ASTN2: variants seen among roughly 807,000 people sequenced by gnomAD.
ASTN2 encodes the protein astrotactin 2, also known as astrotactin-2.
In ASTN2, 54 loss-of-function variants were observed where a neutral mutation model predicts 139.8. That is an observed-to-expected ratio of 0.39 (90% confidence interval 0.31 to 0.48). The LOEUF (loss-of-function observed/expected upper bound fraction) is 0.48. Among genes scored for constraint, ASTN2 ranks in the 20% least tolerant of loss-of-function variants. The pLI, the probability that ASTN2 is intolerant of heterozygous loss-of-function variation, is 0.95. For missense variants in ASTN2, 1,565 were observed against 1,725.1 expected (o/e 0.91, Z 1.64); for synonymous variants, 756 against 719.5 (o/e 1.05, Z -0.81).
At position 117,039,632 on chromosome 9, in the gene ASTN2, A is replaced by G. The variant is rs117016315; in HGVS notation, c.1423+187T>C. ...TTAAAAAAAATAAAAGCAGTCTTTA[A>G]TTTAATTCAAATAATCCAGATTACA... On this transcript the variant is annotated intron_variant, in intron 6 of 22. Coordinates refer to ENST00000313400, the MANE Select transcript of ASTN2 (RefSeq NM_001365068.1). Among the ~76,000 whole-genome samples, 109 of 152,360 alleles carry G rather than the reference A, an allele frequency of 7.2e-4. 1 individual carries two copies. In the East Asian group the frequency reaches 0.018, roughly 25 times the overall value.
At chr9:116,725,658 G>T (rs1828599643) in intron 16 of ASTN2, 113 bp downstream of exon 16, 1 of 1,104,882 alleles carries the variant, frequency 9.1e-7, no homozygotes, top group Non-Finnish European at 1.3e-6. Flanking sequence ...TGGTCACACA[G>T]CTTAGACGTG....
chr9:117,256,638 A>T (rs1833694032), intron 2 of ASTN2, among the ~76,000 whole-genome samples: 1 of 152,216 alleles, frequency 6.6e-6, no homozygotes, highest in African/African-American at 2.4e-5. Flanking sequence ...GAAAATCTAG[A>T]CTACGTTATA....
intron 5 of ASTN2, among the ~76,000 whole-genome samples, chr9:117,079,586 T>A (rs1363241634): frequency 7.9e-5 from 12 of 152,376 alleles, no homozygotes; most frequent in Non-Finnish European, 2.9e-5. Context: ...AACCTTCTCA[T>A]GGTCTAGAAC....
chr9:116,713,603 A>G (rs719534), intron 16 of ASTN2, among the ~76,000 whole-genome samples: 123,682 of 152,142 alleles, frequency 0.81, 50,436 homozygotes, highest in Middle Eastern at 0.88. Context: ...GAAATGCCAC[A>G]CAAAGAGAAC....
intron 10 of ASTN2, among the ~76,000 whole-genome samples, chr9:116,947,774 A>G (rs13289311): frequency 6.6e-6 from 1 of 152,106 alleles, no homozygotes; most frequent in African/African-American, 2.4e-5. Context: ...TCTCATAGAT[A>G]ATAACAATAT....
At chr9:116,544,572 G>T (rs1347196727) in intron 19 of ASTN2, among the ~76,000 whole-genome samples, 2 of 152,180 alleles carry the variant, frequency 1.3e-5, no homozygotes, top group East Asian at 3.9e-4. Context: ...GCTTTTGACA[G>T]TTCCATCACA....
chr9:117,338,113 G>A (rs1828944799), intron 1 of ASTN2, among the ~76,000 whole-genome samples: 1 of 152,030 alleles, frequency 6.6e-6, no homozygotes, highest in South Asian at 2.1e-4. Context: ...TCATCCTCAC[G>A]GACATATGGA....
At chr9:116,589,889 TGAA>T (rs969359360) in intron 19 of ASTN2, among the ~76,000 whole-genome samples, 2 of 152,196 alleles carry the variant, frequency 1.3e-5, no homozygotes, top group African/African-American at 2.4e-5. Flanking sequence ...ACACTTCACA[TGAA>T]GAAGATCAGA....
chr9:116,754,087 T>C (rs533867762), intron 13 of ASTN2, among the ~76,000 whole-genome samples: 124 of 152,046 alleles, frequency 8.2e-4, no homozygotes, highest in African/African-American at 2.8e-3. Context: ...TTGTGTTAAT[T>C]TGCCGAGAAT....
At chr9:117,388,234 T>C (rs1830451007) in intron 1 of ASTN2, among the ~76,000 whole-genome samples, 1 of 152,216 alleles carries the variant, frequency 6.6e-6, no homozygotes, top group Admixed American at 6.5e-5. Flanking sequence ...TACCCAACAA[T>C]ATTTTAGTAT....
At chr9:117,154,861 A>G (rs1359048822) in intron 3 of ASTN2, among the ~76,000 whole-genome samples, 1 of 152,072 alleles carries the variant, frequency 6.6e-6, no homozygotes, top group African/African-American at 2.4e-5. Flanking sequence ...GATTTAAATA[A>G]GAAAACTGTA....
At chr9:117,060,458 A>C (rs1236516421) in intron 5 of ASTN2, among the ~76,000 whole-genome samples, 1 of 53,750 alleles carries the variant, frequency 1.9e-5, no homozygotes, top group African/African-American at 1.3e-4. Flanking sequence ...GAAAGAAAGA[A>C]AGGAAGGAAG....
chr9:116,763,266 T>C (rs1035938597), intron 13 of ASTN2, among the ~76,000 whole-genome samples: 1 of 152,200 alleles, frequency 6.6e-6, no homozygotes. Context: ...TGGACACATG[T>C]GCTAGGGGTA....
In ASTN2 at chr9:116,470,517, A is replaced by T. The variant is rs532058420; in HGVS notation, c.3497+16842T>A. Among the ~76,000 whole-genome samples the T allele has an allele frequency of 9.8e-5, 15 of 152,336 alleles. No individual in the cohort carries two copies. In the South Asian group the frequency reaches 2.1e-3, roughly 21 times the overall value. On this transcript the variant is annotated intron_variant, in intron 20 of 22. Coordinates refer to ENST00000313400, the MANE Select transcript of ASTN2 (RefSeq NM_001365068.1). ...GCTTTGGTTTTCTCATCTGCAAAAT[A>T]GTGATAATAAAAAAACACTGTCTCA...
chr9:116,557,255 G>GAA (rs1852679182), intron 19 of ASTN2, among the ~76,000 whole-genome samples: 1 of 114,636 alleles, frequency 8.7e-6, no homozygotes, highest in Non-Finnish European at 1.9e-5. Flanking sequence ...AAAAAGAAAA[G>GAA]AAAAAATTCA....
intron 16 of ASTN2, among the ~76,000 whole-genome samples, chr9:116,662,136 C>T (rs1858599387): frequency 6.6e-6 from 1 of 152,058 alleles, no homozygotes; most frequent in African/African-American, 2.4e-5. Flanking sequence ...TAGAGGAGCT[C>T]CTCTTCCTAA....
At chr9:116,799,444 T>A (rs1439726911) in intron 13 of ASTN2, among the ~76,000 whole-genome samples, 2 of 152,134 alleles carry the variant, frequency 1.3e-5, no homozygotes, top group African/African-American at 4.8e-5. Flanking sequence ...CTCCTCCAGC[T>A]CTTTGCAGGT....
At chr9:116,752,341 A>G (rs1829422855) in intron 13 of ASTN2, among the ~76,000 whole-genome samples, 1 of 152,234 alleles carries the variant, frequency 6.6e-6, no homozygotes. Flanking sequence ...AAAAACAGAC[A>G]AAAATCTAGA....
chr9:116,717,164 A>G (rs572090068), intron 16 of ASTN2, among the ~76,000 whole-genome samples: 2 of 152,316 alleles, frequency 1.3e-5, no homozygotes, highest in East Asian at 3.9e-4. Context: ...GGATGAAATA[A>G]TGTATGTGAA....
Sources: allele counts gnomAD v4.1 joint callset (sites outside exome capture counted in the v4.1 genomes callset), GRCh38; gene constraint gnomAD v4.1.1; transcripts MANE v1.5; gene names NCBI Gene and HGNC (gene_info 2026-07-23, HGNC 2026-07-21).